Variants in KIF6 observed in about 807,000 individuals in gnomAD.
KIF6 encodes kinesin-like protein KIF6.
In KIF6, 106 loss-of-function variants were observed where a neutral mutation model predicts 112.7. That is an observed-to-expected ratio of 0.94 (90% CI 0.80 to 1.11). The LOEUF (loss-of-function observed/expected upper bound fraction) is 1.11, where lower values mean the gene tolerates loss of function less well. KIF6 is among the 50% of genes least tolerant of loss of function. The pLI is 0.00. For missense variants in KIF6, 929 were observed against 964.0 expected, an observed-to-expected ratio of 0.96 and a Z score of 0.48; for synonymous variants, 339 against 339.9, an observed-to-expected ratio of 1.00 and a Z score of 0.03.
chr6:39,680,991 G>A (rs1038478240), intron 3 of KIF6, among the ~76,000 whole-genome samples: 1 of 152,046 alleles, frequency 6.6e-6, no homozygotes, highest in Non-Finnish European at 1.5e-5. Context: ...AGTACTTTGG[G>A]TACAAGGAAG....
At chr6:39,665,465 T>C (rs1451430717) in intron 3 of KIF6, among the ~76,000 whole-genome samples, 2 of 152,090 alleles carry the variant, frequency 1.3e-5, no homozygotes, top group Admixed American at 1.3e-4. Flanking sequence ...AATTTATAAC[T>C]CTAGTATTGG....
intron 3 of KIF6, among the ~76,000 whole-genome samples, chr6:39,642,769 G>A (rs1416348948): frequency 6.6e-6 from 1 of 152,110 alleles, no homozygotes; most frequent in African/African-American, 2.4e-5. Flanking sequence ...TGGGAATCGG[G>A]AAGGCCACAC....
chr6:39,618,050 A>T (rs1783622326), intron 5 of KIF6, among the ~76,000 whole-genome samples: 1 of 152,174 alleles, frequency 6.6e-6, no homozygotes, highest in Non-Finnish European at 1.5e-5. Flanking sequence ...CTGCATTTAA[A>T]CAATTTCAAA....
chr6:39,522,130 A>G (rs916211134), intron 13 of KIF6, among the ~76,000 whole-genome samples: 6 of 152,216 alleles, frequency 3.9e-5, no homozygotes, highest in African/African-American at 1.4e-4. Flanking sequence ...CTTTCCCCTT[A>G]AGGACATTGC....
intron 13 of KIF6, among the ~76,000 whole-genome samples, chr6:39,479,393 G>A (rs1774651160): frequency 6.6e-6 from 1 of 151,974 alleles, no homozygotes; most frequent in South Asian, 2.1e-4. Context: ...TTTTGTTGAA[G>A]ATTAGTTGGC....
intron 13 of KIF6, among the ~76,000 whole-genome samples, chr6:39,511,304 A>G (rs1462935072): frequency 1.3e-5 from 2 of 152,238 alleles, no homozygotes; most frequent in South Asian, 2.1e-4. Context: ...CACTTCTCCA[A>G]AGAAGACATT....
At position 39,330,534 on chromosome 6, in the gene KIF6, C is replaced by G. The variant is rs1762702331; in HGVS notation, c.*5998G>C. The G allele has an allele frequency of 6.6e-6, 1 of 152,316 alleles. No individual in the cohort carries two copies. Among genetic ancestry groups the G allele is most frequent in the Admixed American group, 6.5e-5 (1 of 15,284 alleles). 9.4% of individuals were successfully genotyped at this position (152,316 alleles called of 1,614,324 possible). A position where few individuals can be genotyped will look rare whatever the true frequency, so the allele number is the denominator to read the frequency against. On this transcript the variant is annotated 3_prime_UTR_variant, in exon 23 of 23. Coordinates refer to ENST00000287152, the MANE Select transcript of KIF6 (RefSeq NM_145027.6). Reference sequence around the variant, plus strand: ...GAAAAGAAAACAACAACATCCCACACCTGGGGCCAGAAGGGGAGGGGTGCT... The same window carrying G: ...GAAAAGAAAACAACAACATCCCACAGCTGGGGCCAGAAGGGGAGGGGTGCT...
chr6:39,555,932 C>T (rs931419227), intron 10 of KIF6, among the ~76,000 whole-genome samples: 44 of 122,944 alleles, frequency 3.6e-4, no homozygotes, highest in Non-Finnish European at 5.3e-4. Context: ...CCAGCCTGGG[C>T]GACAGAGTGA....
chr6:39,646,559 T>G (rs979198353), intron 3 of KIF6, among the ~76,000 whole-genome samples: 5 of 152,180 alleles, frequency 3.3e-5, no homozygotes, highest in Admixed American at 3.3e-4. Flanking sequence ...AGTTTAATAG[T>G]TAAGTTTAAC....
At chr6:39,720,632 A>G in intron 2 of KIF6, 70 bp downstream of exon 2, 5 of 789,032 alleles carry the variant, frequency 6.3e-6, no homozygotes, top group Non-Finnish European at 1.1e-5. Flanking sequence ...TTTCACAATG[A>G]ATATTAATGC....
intron 1 of KIF6, among the ~76,000 whole-genome samples, chr6:39,721,967 T>C (rs1790246713): frequency 1.3e-5 from 2 of 152,124 alleles, no homozygotes; most frequent in African/African-American, 4.8e-5. Context: ...TCCAGAAAGT[T>C]TGAATATTTT....
chr6:39,629,141 G>T (rs1784235566), intron 5 of KIF6, among the ~76,000 whole-genome samples: 1 of 152,086 alleles, frequency 6.6e-6, no homozygotes, highest in Admixed American at 6.6e-5. Context: ...GTATTTGTGG[G>T]AAGGTTTTTG....
chr6:39,471,981 A>G (rs1250529102), intron 13 of KIF6, among the ~76,000 whole-genome samples: 1 of 152,166 alleles, frequency 6.6e-6, no homozygotes, highest in Non-Finnish European at 1.5e-5. Context: ...CTTAGAATCT[A>G]TGTCTAAGAG....
At chr6:39,575,116 T>C (rs548283347) in intron 10 of KIF6, among the ~76,000 whole-genome samples, 3 of 152,268 alleles carry the variant, frequency 2.0e-5, no homozygotes, top group Admixed American at 6.5e-5. Context: ...AATCTTCTTG[T>C]TCTTATCATT....
chr6:39,393,464 A>G (rs575820806), intron 15 of KIF6, among the ~76,000 whole-genome samples: 146 of 152,352 alleles, frequency 9.6e-4, no homozygotes, highest in African/African-American at 3.3e-3. Flanking sequence ...AGTTCCTGAC[A>G]TATAATAAAA....
At chr6:39,472,356 C>T (rs1242211663) in intron 13 of KIF6, among the ~76,000 whole-genome samples, 2 of 152,046 alleles carry the variant, frequency 1.3e-5, no homozygotes, top group African/African-American at 2.4e-5. Context: ...TTCCATGTCT[C>T]GGGGTGAAAA....
intron 2 of KIF6, among the ~76,000 whole-genome samples, chr6:39,715,989 A>G (rs62405160): frequency 0.072 from 11,003 of 152,164 alleles, 539 homozygotes; most frequent in South Asian, 0.18. Flanking sequence ...GCTTTTGAGG[A>G]GAATGATGAT....
intron 16 of KIF6, among the ~76,000 whole-genome samples, chr6:39,366,293 G>T (rs1765549484): frequency 6.6e-6 from 1 of 152,192 alleles, no homozygotes; most frequent in African/African-American, 2.4e-5. Flanking sequence ...GGGTGACTGG[G>T]TGGCTTGTGC....
chr6:39,446,113 C>G (rs1212602069), intron 13 of KIF6, among the ~76,000 whole-genome samples: 2 of 152,270 alleles, frequency 1.3e-5, no homozygotes, highest in East Asian at 3.9e-4. Context: ...GAGGCAGAAG[C>G]CATGGGTTGA....
Sources: gnomAD v4.1 joint callset for allele counts (sites outside exome capture counted in the v4.1 genomes callset) on GRCh38, gnomAD v4.1.1 for gene constraint, MANE v1.5 for transcripts, NCBI Gene and HGNC (gene_info 2026-07-23, HGNC 2026-07-21) for gene names.